Variants in PALS1 observed in about 807,000 individuals in gnomAD.
The protein encoded by PALS1 is protein associated with LIN7 1, MAGUK p55 family member.
Under a neutral mutation model 78.9 loss-of-function variants are expected in PALS1, and 31 were observed. The observed-to-expected ratio is 0.39, with a 90% CI of 0.30 to 0.53. The LOEUF is 0.53. Ranked by LOEUF, PALS1 falls within the 20% of genes least tolerant of loss-of-function variation. The pLI, the probability that PALS1 is intolerant of heterozygous loss-of-function variation, is 0.67. For synonymous variants in PALS1, 276 were observed against 270.9 expected (o/e 1.02, Z -0.18); for missense variants, 704 against 826.5 (o/e 0.85, Z 1.82).
chr14:67,253,904 A>G lies in PALS1; in HGVS notation c.-237+12371A>G, dbSNP rs1181215300. ...TTTCATTATGGTGATTCAAAATCTT[A>G]GGCTTGGATAGAGCATTTGTTTACT... On this transcript the variant is annotated intron_variant, in intron 1 of 14. Coordinates refer to ENST00000261681, the MANE Select transcript of PALS1 (RefSeq NM_022474.4). Among the ~76,000 whole-genome samples, 3 of 149,518 alleles carry G rather than the reference A, an allele frequency of 2.0e-5. No individual in the cohort carries two copies. In the East Asian group the frequency reaches 5.9e-4, roughly 29 times the overall value.
intron 1 of PALS1, among the ~76,000 whole-genome samples, chr14:67,251,341 TG>T (rs1194939215): frequency 6.6e-6 from 1 of 152,156 alleles, no homozygotes; most frequent in East Asian, 1.9e-4. Flanking sequence ...GAGACCAACC[TG>T]GGCAACACAG....
At chr14:67,258,254 GC>G (rs1356351477) in intron 1 of PALS1, among the ~76,000 whole-genome samples, 2 of 152,044 alleles carry the variant, frequency 1.3e-5, no homozygotes, top group Non-Finnish European at 2.9e-5. Context: ...TTGATAATAG[GC>G]CAGGCACCGT....
At chr14:67,323,630 A>C (rs566617258) in intron 13 of PALS1, 72 bp from the exon 14 acceptor site, 1 of 378,240 alleles carries the variant, frequency 2.6e-6, no homozygotes, top group Non-Finnish European at 4.6e-6. Context: ...ATATATATAT[A>C]TATATATCAG....
intron 4 of PALS1, among the ~76,000 whole-genome samples, chr14:67,300,242 T>G (rs750171597): frequency 1.4e-4 from 21 of 152,244 alleles, no homozygotes; most frequent in Non-Finnish European, 2.8e-4. Context: ...CCCAAAATTA[T>G]CATCTCTTGG....
intron 6 of PALS1, 74 bp downstream of exon 6, chr14:67,302,192 T>C (rs891914892): frequency 6.9e-7 from 1 of 1,455,658 alleles, no homozygotes; most frequent in Non-Finnish European, 9.1e-7. Context: ...CTGGTTAATT[T>C]CAGAATTCTA....
chr14:67,312,700 G>C lies in PALS1; in HGVS notation c.1215G>C (p.Gly405=). ...ACGAAGATAATCAACCTCTAGCCGG[G>C]CTTGTTCCAGGTAAGACACAATATG... is the stretch of plus-strand genomic sequence containing the variant. The part of the protein sequence containing the change: ...EGDEDNQPLA[G]LVPGKSFQQQ... Residue 405 remains glycine, a synonymous_variant, in exon 9 of 15, where the codon GGG becomes GGC. Transcript: ENST00000261681. 1 of 1,605,692 alleles carries C rather than the reference G, an allele frequency of 6.2e-7. No individual in the cohort carries two copies. Among genetic ancestry groups the C allele is most frequent in the Non-Finnish European group, 8.5e-7 (1 of 1,175,698 alleles).
intron 1 of PALS1, among the ~76,000 whole-genome samples, chr14:67,243,171 A>T (rs1483485331): frequency 6.6e-6 from 1 of 152,008 alleles, no homozygotes; most frequent in Non-Finnish European, 1.5e-5. Context: ...ATATGTGCTT[A>T]TATAGAATAT....
chr14:67,306,125 A>T (rs2084998655), intron 8 of PALS1, among the ~76,000 whole-genome samples: 1 of 152,118 alleles, frequency 6.6e-6, no homozygotes, highest in African/African-American at 2.4e-5. Flanking sequence ...GCATGCCACC[A>T]CATCCAGCTA....
chr14:67,279,197 T>C lies in PALS1; in HGVS notation c.27T>C (p.His9=). 6.2e-7 allele frequency: 1 copy of C among 1,605,688 alleles called. No homozygotes were observed. The highest frequency in any genetic ancestry group is 2.2e-5 in the East Asian group (1 of 44,800). The change falls in exon 3 of 15, where the codon CAT becomes CAC. Residue 9 remains histidine, a synonymous_variant. Transcript: ENST00000261681. MTTSHMNG[H]VTEESDSEVK... ...TGACAACATCCCATATGAATGGGCA[T>C]GTTACAGAGGAATCAGACAGCGAAG...
chr14:67,317,307 T>A, intron 10 of PALS1, 101 bp from the exon 11 acceptor site: 2 of 1,097,984 alleles, frequency 1.8e-6, no homozygotes, highest in Non-Finnish European at 2.6e-6. Context: ...TGCAAAAAAA[T>A]TTAAAGAATA....
At chr14:67,256,855 A>T (rs2140477140) in intron 1 of PALS1, among the ~76,000 whole-genome samples, 1 of 151,526 alleles carries the variant, frequency 6.6e-6, no homozygotes, top group South Asian at 2.1e-4. Flanking sequence ...ATTTGTTTGA[A>T]TGTATACATT....
At chr14:67,293,096 CATT>C (rs2084799228) in intron 4 of PALS1, among the ~76,000 whole-genome samples, 1 of 151,986 alleles carries the variant, frequency 6.6e-6, no homozygotes, top group Non-Finnish European at 1.5e-5. Flanking sequence ...GATAATCAGG[CATT>C]ATATAACGCC....
chr14:67,324,896 C>CTTTTTTTT (rs2085326609), intron 14 of PALS1, among the ~76,000 whole-genome samples: 1 of 114,456 alleles, frequency 8.7e-6, no homozygotes, highest in African/African-American at 4.0e-5. Flanking sequence ...GCCTTCCTTT[C>CTTTTTTTT]ATTTTTTTTT....
At chr14:67,301,726 A>C (rs1487381328) in intron 5 of PALS1, among the ~76,000 whole-genome samples, 2 of 152,162 alleles carry the variant, frequency 1.3e-5, no homozygotes, top group Non-Finnish European at 2.9e-5. Context: ...CTGTAAGTTT[A>C]ATTATCTAGG....
At chr14:67,274,407 G>C (rs185280829) in intron 2 of PALS1, among the ~76,000 whole-genome samples, 2 of 152,202 alleles carry the variant, frequency 1.3e-5, no homozygotes, top group Admixed American at 1.3e-4. Flanking sequence ...GTTTTTGTCA[G>C]GTTTGTCAAA....
chr14:67,325,701 C>T (rs1038560685), intron 14 of PALS1, among the ~76,000 whole-genome samples: 2 of 152,192 alleles, frequency 1.3e-5, no homozygotes, highest in Non-Finnish European at 2.9e-5. Context: ...TAATTTTCCA[C>T]TTCCTAACAT....
At chr14:67,280,861 C>T (rs527322617) in intron 3 of PALS1, among the ~76,000 whole-genome samples, 84 of 100,946 alleles carry the variant, frequency 8.3e-4, no homozygotes, top group African/African-American at 1.2e-3. Flanking sequence ...CCTTCCCTCC[C>T]TCCCTCCCTC....
intron 1 of PALS1, among the ~76,000 whole-genome samples, chr14:67,248,883 C>T (rs559756063): frequency 6.6e-6 from 1 of 152,242 alleles, no homozygotes; most frequent in South Asian, 2.1e-4. Flanking sequence ...TGGTCTCGAA[C>T]TCCATGACCC....
intron 1 of PALS1, among the ~76,000 whole-genome samples, chr14:67,249,120 G>C (rs2084027996): frequency 6.6e-6 from 1 of 152,056 alleles, no homozygotes; most frequent in African/African-American, 2.4e-5. Context: ...CCGCCATCAT[G>C]CCTGGCTAAT....
Sources: gnomAD v4.1 joint callset for allele counts (sites outside exome capture counted in the v4.1 genomes callset) on GRCh38, gnomAD v4.1.1 for gene constraint, MANE v1.5 for transcripts, NCBI Gene and HGNC (gene_info 2026-07-23, HGNC 2026-07-21) for gene names.